The following PDZD2 variants were observed in gnomAD, a reference collection of about 807,000 sequenced individuals.
PDZD2 encodes the protein PDZ domain containing 2, also known as PDZ domain-containing protein 2.
Under a neutral mutation model 220.7 loss-of-function variants are expected in PDZD2, and 90 were observed. That is an observed-to-expected ratio of 0.41 (90% CI 0.34 to 0.49). The LOEUF (loss-of-function observed/expected upper bound fraction) is 0.49, where lower values mean the gene tolerates loss of function less well. Among genes scored for constraint, PDZD2 ranks in the 20% least tolerant of loss-of-function variants. PDZD2 has a pLI of 0.28. For missense variants in PDZD2, 3,174 were observed against 3,608.5 expected, an observed-to-expected ratio of 0.88 and a Z score of 3.08; for synonymous variants, 1,375 against 1,450.5, an observed-to-expected ratio of 0.95 and a Z score of 1.18.
intron 2 of PDZD2, among the ~76,000 whole-genome samples, chr5:31,904,690 G>A (rs1742469162): frequency 6.6e-6 from 1 of 151,984 alleles, no homozygotes; most frequent in Non-Finnish European, 1.5e-5. Context: ...ACCACACCCA[G>A]CTAATTTTTT....
chr5:31,645,827 G>A (rs113109283), intron 1 of PDZD2, among the ~76,000 whole-genome samples: 1 of 152,088 alleles, frequency 6.6e-6, no homozygotes, highest in Non-Finnish European at 1.5e-5. Context: ...GGCACGCTTT[G>A]TGCTGTGGCT....
At chr5:31,844,579 G>T (rs1437049540) in intron 2 of PDZD2, among the ~76,000 whole-genome samples, 2 of 152,128 alleles carry the variant, frequency 1.3e-5, no homozygotes, top group Non-Finnish European at 1.5e-5. Flanking sequence ...TGATTTTTGG[G>T]ATCTACTTAG....
At chr5:31,896,415 C>T (rs1741578228) in intron 2 of PDZD2, among the ~76,000 whole-genome samples, 1 of 150,834 alleles carries the variant, frequency 6.6e-6, no homozygotes, top group Admixed American at 6.6e-5. Flanking sequence ...AGTTTAGTGC[C>T]TAGGTCTTGG....
intron 2 of PDZD2, among the ~76,000 whole-genome samples, chr5:31,915,206 C>T (rs1389553305): frequency 2.0e-5 from 3 of 152,122 alleles, no homozygotes; most frequent in Admixed American, 2.0e-4. Context: ...GAGAAGCATC[C>T]CTCACTTGAA....
intron 6 of PDZD2, among the ~76,000 whole-genome samples, chr5:32,033,874 C>T (rs1755319656): frequency 6.6e-6 from 1 of 152,158 alleles, no homozygotes; most frequent in Admixed American, 6.5e-5. Flanking sequence ...CCACCTCGGC[C>T]TTCCAGAGTG....
At chr5:31,893,409 A>G (rs994141993) in intron 2 of PDZD2, among the ~76,000 whole-genome samples, 10 of 152,190 alleles carry the variant, frequency 6.6e-5, no homozygotes, top group African/African-American at 2.4e-4. Flanking sequence ...CGTCTCTACA[A>G]AAAACAAAAA....
At chr5:31,919,272 A>C (rs904487999) in intron 2 of PDZD2, among the ~76,000 whole-genome samples, 2 of 152,204 alleles carry the variant, frequency 1.3e-5, no homozygotes, top group Non-Finnish European at 2.9e-5. Context: ...TGAGGCATTG[A>C]AAGATTCAGT....
intron 2 of PDZD2, among the ~76,000 whole-genome samples, chr5:31,926,944 C>G (rs756714719): frequency 2.5e-4 from 38 of 152,342 alleles, no homozygotes; most frequent in Non-Finnish European, 5.0e-4. Flanking sequence ...TGGAGGCCAT[C>G]ATCCTAAGCA....
Position 31,833,296 on chromosome 5 carries a change from C to T in PDZD2, c.476+33572C>T, listed in dbSNP as rs181665129. 3.1e-3 allele frequency among the ~76,000 whole-genome samples: 472 copies of T among 152,144 alleles called. 4 individuals are homozygous for T. Among genetic ancestry groups the T allele is most frequent in the Non-Finnish European group, 4.7e-3 (323 of 68,012 alleles). On this transcript the variant is annotated intron_variant, in intron 2 of 24. Coordinates refer to ENST00000438447, the MANE Select transcript of PDZD2 (RefSeq NM_178140.4). ...AAGCCTGGGAGACATGGCAAAACCACGTCTCTACAAAAAATACAAAAATTA... is the reference window on the plus strand; with the variant it reads ...AAGCCTGGGAGACATGGCAAAACCATGTCTCTACAAAAAATACAAAAATTA...
chr5:31,743,614 G>T (rs531563557), intron 1 of PDZD2, among the ~76,000 whole-genome samples: 1 of 152,072 alleles, frequency 6.6e-6, no homozygotes, highest in East Asian at 1.9e-4. Context: ...GCTAGAAATA[G>T]GGGAATGGCT....
intron 1 of PDZD2, among the ~76,000 whole-genome samples, chr5:31,693,246 T>G (rs1405865744): frequency 6.8e-6 from 1 of 146,144 alleles, no homozygotes; most frequent in Non-Finnish European, 1.5e-5. Flanking sequence ...AGCACTTTTT[T>G]TTTTTTTTTT....
At chr5:31,901,530 C>CT (rs769411457) in intron 2 of PDZD2, among the ~76,000 whole-genome samples, 2 of 152,096 alleles carry the variant, frequency 1.3e-5, no homozygotes, top group Non-Finnish European at 2.9e-5. Flanking sequence ...TTTTCAGTAC[C>CT]TTTGTGAGGG....
In PDZD2 at chr5:31,686,812, A is replaced by T. The variant is rs200934767; in HGVS notation, c.-361+47375A>T. ...TCAAACTTATTTTTGCATATATTACAATTAACTGTTTTCATATGTTAATTT... is the reference window on the plus strand; with the variant it reads ...TCAAACTTATTTTTGCATATATTACTATTAACTGTTTTCATATGTTAATTT... On this transcript the variant is annotated intron_variant, in intron 1 of 24. Transcript: ENST00000438447. 3.3e-5 allele frequency among the ~76,000 whole-genome samples: 5 copies of T among 152,326 alleles called. No individual in the cohort carries two copies. The East Asian group carries it at 9.6e-4, about 29-fold the overall frequency.
At chr5:31,978,106 G>A (rs6870885) in intron 2 of PDZD2, among the ~76,000 whole-genome samples, 10,740 of 152,184 alleles carry the variant, frequency 0.071, 556 homozygotes, top group South Asian at 0.17. Context: ...AATCTTAATT[G>A]AATTAATAAT....
At chr5:31,666,403 TA>T (rs1301730125) in intron 1 of PDZD2, among the ~76,000 whole-genome samples, 3 of 152,212 alleles carry the variant, frequency 2.0e-5, no homozygotes, top group Non-Finnish European at 2.9e-5. Context: ...ATCTCCTTAT[TA>T]AAAAAATATT....
intron 23 of PDZD2, chr5:32,100,864 AAC>A (rs1472669276): frequency 6.4e-7 from 1 of 1,558,896 alleles, no homozygotes; most frequent in Non-Finnish European, 8.7e-7. Flanking sequence ...GCTTGCAGAA[AAC>A]ACAGAACAAA....
intron 1 of PDZD2, among the ~76,000 whole-genome samples, chr5:31,752,564 A>AATAT: frequency 6.7e-6 from 1 of 149,028 alleles, no homozygotes; most frequent in South Asian, 2.1e-4. Flanking sequence ...TAAATAAATA[A>AATAT]ATAAAATAAA....
intron 2 of PDZD2, among the ~76,000 whole-genome samples, chr5:31,818,990 A>T (rs1467417000): frequency 6.6e-6 from 1 of 152,200 alleles, no homozygotes; most frequent in East Asian, 1.9e-4. Context: ...TACCATGTGC[A>T]TGAGATAGAA....
intron 2 of PDZD2, among the ~76,000 whole-genome samples, chr5:31,946,155 A>G (rs1396701065): frequency 6.6e-6 from 1 of 152,166 alleles, no homozygotes; most frequent in Non-Finnish European, 1.5e-5. Context: ...GGCGTGCGCC[A>G]CCACACCTGG....
Sources: gnomAD v4.1 joint callset for allele counts (sites outside exome capture counted in the v4.1 genomes callset) on GRCh38, gnomAD v4.1.1 for gene constraint, MANE v1.5 for transcripts, NCBI Gene and HGNC (gene_info 2026-07-23, HGNC 2026-07-21) for gene names.